UBR2: variants seen among roughly 807,000 people sequenced by gnomAD.
The protein encoded by UBR2 is ubiquitin protein ligase E3 component n-recognin 2, also known as E3 ubiquitin-protein ligase UBR2.
In UBR2, 92 loss-of-function variants were observed where a neutral mutation model predicts 247.9. That is an observed-to-expected ratio of 0.37 (90% CI 0.31 to 0.44). The LOEUF (loss-of-function observed/expected upper bound fraction) is 0.44. UBR2 is among the 20% of genes least tolerant of loss of function. The pLI is 1.00. For missense variants in UBR2, 1,613 were observed against 2,112.6 expected (o/e 0.76, Z 4.64); for synonymous variants, 672 against 693.5 (o/e 0.97, Z 0.49).
Position 42,650,392 on chromosome 6 carries a change from TG to T in UBR2, c.2565+9del. The T allele has an allele frequency of 6.2e-7, 1 of 1,605,858 alleles. No individual in the cohort carries two copies. Among genetic ancestry groups the T allele is most frequent in the Non-Finnish European group, 8.5e-7 (1 of 1,175,002 alleles). On this transcript the variant is annotated splice_region_variant and intron_variant, in intron 23 of 46. Transcript: ENST00000372901. ...CAAGGGCAGAACAGTCCAAGGTAAT[TG>T]GGAAAATTAAAAATGTAGCAGGGAA...
intron 18 of UBR2, 81 bp from the exon 19 acceptor site, chr6:42,644,133 T>C: frequency 7.0e-7 from 1 of 1,431,852 alleles, no homozygotes; most frequent in South Asian, 1.4e-5. Context: ...CAAGCCAAAC[T>C]ATCTCTCACT....
chr6:42,659,534 C>T lies in UBR2; in HGVS notation c.3243-122C>T, dbSNP rs867454042. 142 of 631,502 alleles carry T rather than the reference C, an allele frequency of 2.2e-4. 1 individual carries two copies. The highest frequency in any genetic ancestry group is 7.8e-4 in the South Asian group (40 of 51,288). The allele number at this position is 631,502 out of a possible 1,614,324, so 39.1% of individuals were successfully genotyped here. On this transcript the variant is annotated intron_variant, in intron 29 of 46. Transcript: ENST00000372901. The surrounding 1 kb of genome is among the most constrained non-coding windows in gnomAD (Gnocchi z 4.3). ...ATAAATATATATACACACACACACA[C>T]ACACACACACACACACACACACACA...
In UBR2 at chr6:42,589,777, T is replaced by C. The variant is rs141052691; in HGVS notation, c.339-2374T>C. Among the ~76,000 whole-genome samples, 957 of 152,332 alleles carry C rather than the reference T, an allele frequency of 6.3e-3. 7 individuals are homozygous for C. Among genetic ancestry groups the C allele is most frequent in the Non-Finnish European group, 0.01 (689 of 68,024 alleles). ...AGACTGTTTCTGGTTTTCTTCCTTT[T>C]CAACGTTTTAAAGATCATGATCCAA... On this transcript the variant is annotated intron_variant, in intron 2 of 46. Transcript: ENST00000372901.
At chr6:42,606,823 G>A (rs952666595) in intron 7 of UBR2, among the ~76,000 whole-genome samples, 172 bp downstream of exon 7, 2 of 152,116 alleles carry the variant, frequency 1.3e-5, no homozygotes, top group Non-Finnish European at 2.9e-5. Context: ...TTTTAAAGCT[G>A]TGTAGGATTG....
In UBR2 at chr6:42,637,026, G is replaced by A. The variant is rs764575218; in HGVS notation, c.1690G>A (p.Glu564Lys). The change falls in exon 15 of 47, where the codon GAA becomes AAA. Residue 564 changes from glutamate to lysine, a missense_variant. Around this residue, in one of 3 missense-constraint regions of UBR2, gnomAD observed 1,524 missense variants for 1,967.3 expected, o/e 0.77. Transcript: ENST00000372901. ...WCASDEKVLI[E>K]AYKKCLAVLM... is the part of the protein sequence containing the mutation. ...TCTTTTTTAGGAAAAAGTGTTAATC[G>A]AAGCTTACAAGAAATGTCTCGCTGT... 6.2e-6 allele frequency: 10 copies of A among 1,604,516 alleles called. No individual in the cohort carries two copies. Among genetic ancestry groups the A allele is most frequent in the Middle Eastern group, 1.7e-4 (1 of 6,028 alleles).
In UBR2 at chr6:42,564,090, A is replaced by G. The variant is rs946182072; in HGVS notation, c.-230A>G. The G allele has an allele frequency of 2.7e-4, 151 of 552,324 alleles. No individual in the cohort carries two copies. Among genetic ancestry groups the G allele is most frequent in the African/African-American group, 2.6e-3 (134 of 51,276 alleles). 34.2% of individuals were successfully genotyped at this position (552,324 alleles called of 1,614,324 possible). ...TGTGTCCTTCCCTGGGTCAGGGACG[A>G]GCCAGTGACTTGACTCTTGGGCGCT... On this transcript the variant is annotated 5_prime_UTR_variant, in exon 1 of 47. Transcript: ENST00000372901.
Position 42,594,172 on chromosome 6 carries a change from T to C in UBR2, c.418-19T>C, listed in dbSNP as rs540296626. The C allele has an allele frequency of 6.3e-7, 1 of 1,585,046 alleles. No individual in the cohort carries two copies. The highest frequency in any genetic ancestry group is 1.3e-5 in the African/African-American group (1 of 74,306). On this transcript the variant is annotated intron_variant, in intron 3 of 46. Coordinates refer to ENST00000372901, the MANE Select transcript of UBR2 (RefSeq NM_001363705.2). ...CAGTAAATATTTATTGACAAGATAC[T>C]TTACAATTTTTTTCCAAGATGACAA...
chr6:42,681,945 A>C, intron 42 of UBR2, among the ~76,000 whole-genome samples: 1 of 152,118 alleles, frequency 6.6e-6, no homozygotes, highest in East Asian at 1.9e-4. Flanking sequence ...GTGGTGGTGC[A>C]CGCCTGTAGT....
At chr6:42,606,186 T>A (rs985178410) in intron 6 of UBR2, among the ~76,000 whole-genome samples, 2 of 151,394 alleles carry the variant, frequency 1.3e-5, no homozygotes, top group Non-Finnish European at 2.9e-5. Context: ...GAGGTTGCAG[T>A]GAGCCGAGAT....
Position 42,691,244 on chromosome 6 carries a change from TCTG to T in UBR2, c.*75_*77del. The T allele has an allele frequency of 6.4e-7, 1 of 1,568,492 alleles. No individual in the cohort carries two copies. The highest frequency in any genetic ancestry group is 8.6e-7 in the Non-Finnish European group (1 of 1,158,254). On this transcript the variant is annotated 3_prime_UTR_variant, in exon 47 of 47. Transcript: ENST00000372901. Reference sequence around the variant, plus strand: ...TTGGCTTTTTAAGAAAGAAAGAAGTTCTGCTGAATTTGGAAATAAATTCTTTAT... The same window carrying T: ...TTGGCTTTTTAAGAAAGAAAGAAGTTCTGAATTTGGAAATAAATTCTTTAT...
At chr6:42,627,981 T>C (rs1748959839) in intron 11 of UBR2, among the ~76,000 whole-genome samples, 1 of 152,194 alleles carries the variant, frequency 6.6e-6, no homozygotes, top group Non-Finnish European at 1.5e-5. Context: ...TTTCTCACTG[T>C]TAACAGTTTT....
intron 25 of UBR2, among the ~76,000 whole-genome samples, chr6:42,653,808 G>A (rs892374475): frequency 4.0e-5 from 6 of 151,502 alleles, no homozygotes; most frequent in Non-Finnish European, 8.8e-5. Context: ...GTAGAGACAG[G>A]GTTTCACCAC....
chr6:42,655,693 G>A lies in UBR2; in HGVS notation c.2842G>A (p.Val948Ile). The change falls in exon 26 of 47, where the codon GTA becomes ATA. Residue 948 changes from valine to isoleucine, a missense_variant. Val to Ile is a conservative substitution (Grantham distance 29, BLOSUM62 3). Around this residue, in one of 3 missense-constraint regions of UBR2, gnomAD observed 1,524 missense variants for 1,967.3 expected, o/e 0.77. Coordinates refer to ENST00000372901, the MANE Select transcript of UBR2 (RefSeq NM_001363705.2). ...HLENVTEEHV[V>I]TFTFTQKISK... Reference sequence around the variant, plus strand: ...AGAGAATGTCACGGAAGAGCATGTAGTAACATTTACCTTCACTCAGAAGAT... The same window carrying A: ...AGAGAATGTCACGGAAGAGCATGTAATAACATTTACCTTCACTCAGAAGAT... 1.3e-6 allele frequency: 2 copies of A among 1,552,412 alleles called. No individual in the cohort carries two copies. Among genetic ancestry groups the A allele is most frequent in the Non-Finnish European group, 1.7e-6 (2 of 1,159,958 alleles).
intron 10 of UBR2, 49 bp downstream of exon 10, chr6:42,616,139 G>T: frequency 7.5e-7 from 1 of 1,328,762 alleles, no homozygotes; most frequent in Non-Finnish European, 1.0e-6. Flanking sequence ...GAGTAACTAT[G>T]CCCATAATTA....
intron 7 of UBR2, among the ~76,000 whole-genome samples, chr6:42,608,454 C>T (rs1216334733): frequency 1.2e-4 from 18 of 151,862 alleles, no homozygotes; most frequent in African/African-American, 2.4e-5. Context: ...AGCAAGACCC[C>T]GACTCTACAA....
chr6:42,691,215 C>T lies in UBR2; in HGVS notation c.*42C>T, dbSNP rs1799734905. On this transcript the variant is annotated 3_prime_UTR_variant, in exon 47 of 47. Transcript: ENST00000372901. ...AAACACAAACTTGGATTTTTTTAAC[C>T]CAGTTGGCTTTTTAAGAAAGAAAGA... 2 of 1,591,174 alleles carry T rather than the reference C, an allele frequency of 1.3e-6. No individual in the cohort carries two copies. Among genetic ancestry groups the T allele is most frequent in the African/African-American group, 2.7e-5 (2 of 73,068 alleles).
intron 8 of UBR2, among the ~76,000 whole-genome samples, chr6:42,614,250 G>A (rs1448132309): frequency 9.0e-5 from 11 of 122,450 alleles, no homozygotes; most frequent in South Asian, 2.6e-4. Flanking sequence ...ACACACGCGC[G>A]CACATATATA....
chr6:42,579,315 G>A lies in UBR2; in HGVS notation c.338+5322G>A, dbSNP rs59387222. 9.0e-3 allele frequency among the ~76,000 whole-genome samples: 1,369 copies of A among 152,150 alleles called. 18 individuals carry two copies. The highest frequency in any genetic ancestry group is 0.031 in the African/African-American group (1,307 of 41,500). ...AGCTCACAAAAACTCTCTATTGGGA[G>A]AACAGCACCAAGAGGATGGTGCTAA... On this transcript the variant is annotated intron_variant, in intron 2 of 46. Coordinates refer to ENST00000372901, the MANE Select transcript of UBR2 (RefSeq NM_001363705.2).
intron 33 of UBR2, among the ~76,000 whole-genome samples, chr6:42,665,955 T>G (rs1332738553): frequency 1.3e-5 from 2 of 152,202 alleles, no homozygotes; most frequent in Non-Finnish European, 2.9e-5. Flanking sequence ...CTCTTGTTTT[T>G]GTTTTAGTGG....
Sources: gnomAD v4.1 joint callset for allele counts (sites outside exome capture counted in the v4.1 genomes callset) on GRCh38, gnomAD v4.1.1 for gene constraint, gnomAD v4.1.1 regional missense constraint, Gnocchi (gnomAD v3.1) non-coding constraint, MANE v1.5 for transcripts, NCBI Gene and HGNC (gene_info 2026-07-23, HGNC 2026-07-21) for gene names.